The following SI variants were observed in gnomAD, a reference collection of about 807,000 sequenced individuals.
SI encodes the protein sucrase-isomaltase.
Under a neutral mutation model 253.3 loss-of-function variants are expected in SI, and 235 were observed. The observed-to-expected ratio is 0.93, with a 90% CI of 0.83 to 1.03. The LOEUF is 1.03. Ranked by LOEUF, SI falls within the 50% of genes least tolerant of loss-of-function variation. The pLI, the probability that SI is intolerant of heterozygous loss-of-function variation, is 0.00. For missense variants in SI, 2,442 were observed against 2,211.1 expected, an observed-to-expected ratio of 1.10 and a Z score of -2.09; for synonymous variants, 819 against 712.0, an observed-to-expected ratio of 1.15 and a Z score of -2.39.
chr3:164,982,568 A>T (rs2108108893), intron 46 of SI, among the ~76,000 whole-genome samples, 158 bp from the exon 47 acceptor site: 1 of 152,260 alleles, frequency 6.6e-6, no homozygotes, highest in South Asian at 2.1e-4. Flanking sequence ...ACATGAATAA[A>T]ACTTCAAATT....
At chr3:164,984,511 A>G (rs565763589) in intron 45 of SI, among the ~76,000 whole-genome samples, 2 of 152,284 alleles carry the variant, frequency 1.3e-5, no homozygotes, top group East Asian at 3.9e-4. Context: ...TCTGAGTTAA[A>G]AAAAGCAAAA....
Position 164,982,238 on chromosome 3 carries a change from C to T in SI, c.5415+5G>A. On this transcript the variant is annotated splice_donor_5th_base_variant and intron_variant, in intron 47 of 47. Transcript: ENST00000264382. ...TTTTGAAAAATATTTTCTTACATTA[C>T]TTACCATGTTGGTAGTGTCTTCATT... 1 of 1,609,126 alleles carries T rather than the reference C, an allele frequency of 6.2e-7. No homozygotes were observed. The highest frequency in any genetic ancestry group is 8.5e-7 in the Non-Finnish European group (1 of 1,176,224).
rs559599846 is a variant in SI, at chr3:165,059,227, C to T, written c.1219G>A (p.Gly407Arg). The T allele has an allele frequency of 4.8e-5, 78 of 1,612,580 alleles. No individual in the cohort carries two copies. The East Asian group carries it at 1.2e-3, about 25-fold the overall frequency. ...AAATCTTGCACAAATTGAGGGAGTC[C>T]GTTAAACGCAACTTGATCATAAGTA... The part of the protein sequence containing the change: ...DFTYDQVAFN[G>R]LPQFVQDLHD... The change falls in exon 11 of 48, where the codon GGA becomes AGA. Residue 407 changes from glycine (G) to arginine (R), a missense_variant. Gly to Arg is a moderately radical substitution (Grantham distance 125, BLOSUM62 -2). Transcript: ENST00000264382.
At chr3:165,038,325 T>C (rs1424825245) in intron 20 of SI, among the ~76,000 whole-genome samples, 2 of 151,988 alleles carry the variant, frequency 1.3e-5, no homozygotes, top group Non-Finnish European at 2.9e-5. Flanking sequence ...GTTTATGCCT[T>C]TAGGAAGGAT....
At chr3:165,075,627 ATTTGATCCC>A (rs2108116998) in intron 2 of SI, among the ~76,000 whole-genome samples, 1 of 152,072 alleles carries the variant, frequency 6.6e-6, no homozygotes, top group East Asian at 1.9e-4. Flanking sequence ...TACATTAACG[ATTTGATCCC>A]TTTGCCTCTT....
chr3:165,027,498 C>A (rs945272443), intron 25 of SI, among the ~76,000 whole-genome samples: 1 of 151,098 alleles, frequency 6.6e-6, no homozygotes, highest in African/African-American at 2.4e-5. Context: ...AAGGACATAA[C>A]CAAAAAAGAA....
Position 165,013,045 on chromosome 3 carries a change from A to C in SI, c.4000-3T>G. 6.3e-7 allele frequency: 1 copy of C among 1,587,958 alleles called. No individual in the cohort carries two copies. Among genetic ancestry groups the C allele is most frequent in the South Asian group, 1.1e-5 (1 of 90,468 alleles). The stretch of plus-strand genomic sequence containing the variant: ...ATGTTGGGCAAATCTGGCCAAACCT[A>C]CAAGAGACAAGACATGGAAAAGCTG... On this transcript the variant is annotated splice_region_variant and splice_polypyrimidine_tract_variant and intron_variant, in intron 33 of 47. Transcript: ENST00000264382.
At chr3:165,070,525 C>T (rs1443625034) in intron 3 of SI, among the ~76,000 whole-genome samples, 1 of 151,048 alleles carries the variant, frequency 6.6e-6, no homozygotes, top group Non-Finnish European at 1.5e-5. Flanking sequence ...AGTTATCTAA[C>T]CTGTAGAAAT....
At chr3:165,046,709 C>T (rs922560967) in intron 16 of SI, 132 bp downstream of exon 16, 3 of 727,686 alleles carry the variant, frequency 4.1e-6, no homozygotes, top group East Asian at 2.8e-5. Flanking sequence ...TCCTCATAAA[C>T]TCCATAAAAA....
rs760370764 is a variant in SI, at chr3:165,036,482, T to TAAGA, written c.2427-9_2427-6dup. ...AGTCCTAGAGGATTCTTACGGCTGTTAAGAAAAATTAGGTGCATATATGGT... is the reference window on the plus strand; with the variant it reads ...AGTCCTAGAGGATTCTTACGGCTGTTAAGAAAGAAAAATTAGGTGCATATATGGT... On this transcript the variant is annotated splice_region_variant and splice_polypyrimidine_tract_variant and intron_variant, in intron 21 of 47. Transcript: ENST00000264382. The TAAGA allele has an allele frequency of 6.2e-7, 1 of 1,600,340 alleles. No individual in the cohort carries two copies. The highest frequency in any genetic ancestry group is 2.2e-5 in the East Asian group (1 of 44,512).
At chr3:165,055,617 T>C (rs1713659239) in intron 12 of SI, among the ~76,000 whole-genome samples, 1 of 152,022 alleles carries the variant, frequency 6.6e-6, no homozygotes, top group Admixed American at 6.6e-5. Flanking sequence ...ACATACACAA[T>C]AAATATTCTA....
intron 3 of SI, among the ~76,000 whole-genome samples, chr3:165,069,750 A>C (rs1293141437): frequency 6.6e-6 from 1 of 152,006 alleles, no homozygotes; most frequent in East Asian, 1.9e-4. Context: ...CAAAATACTG[A>C]ATTCTCAGTA....
chr3:165,045,540 A>C (rs1477743847), intron 16 of SI, among the ~76,000 whole-genome samples: 2 of 151,586 alleles, frequency 1.3e-5, no homozygotes, highest in Non-Finnish European at 2.9e-5. Context: ...TGTATTTTAA[A>C]ATTTTTCCTC....
At chr3:165,047,135 T>C in intron 15 of SI, 123 bp from the exon 16 acceptor site, 1 of 701,742 alleles carries the variant, frequency 1.4e-6, no homozygotes, top group Non-Finnish European at 2.4e-6. Context: ...CACCCAAATC[T>C]CATCTTGAAT....
intron 44 of SI, among the ~76,000 whole-genome samples, chr3:164,989,207 G>A (rs528777245): frequency 5.8e-4 from 87 of 150,912 alleles, no homozygotes; most frequent in South Asian, 1.5e-3. Context: ...TTAGCTAGGC[G>A]TCTGGCAGGC....
At chr3:165,024,022 A>G (rs1172780228) in intron 25 of SI, among the ~76,000 whole-genome samples, 1 of 151,462 alleles carries the variant, frequency 6.6e-6, no homozygotes, top group African/African-American at 2.4e-5. Context: ...ATCAAATGTC[A>G]TACATTTTTT....
At chr3:164,980,860 C>T (rs1717152103) in intron 47 of SI, among the ~76,000 whole-genome samples, 3 of 151,872 alleles carry the variant, frequency 2.0e-5, no homozygotes, top group Admixed American at 2.0e-4. Flanking sequence ...TTAATTTTCG[C>T]CATTGTAATT....
At position 165,040,849 on chromosome 3, in the gene SI, T is replaced by G. The variant is rs535158392; in HGVS notation, c.2159+91A>C. The stretch of plus-strand genomic sequence containing the variant: ...TAAAAACAAGCAGCAGAAGTTTAAT[T>G]GATATCTTGATTTACCTCCATTAAA... On this transcript the variant is annotated intron_variant, in intron 18 of 47. Coordinates refer to ENST00000264382, the MANE Select transcript of SI (RefSeq NM_001041.4). 263 of 1,006,406 alleles carry G rather than the reference T, an allele frequency of 2.6e-4. 1 individual carries two copies. In the African/African-American group the frequency reaches 3.7e-3, roughly 14 times the overall value. 62.3% of individuals were successfully genotyped at this position (1,006,406 alleles called of 1,614,324 possible).
intron 17 of SI, 89 bp from the exon 18 acceptor site, chr3:165,041,183 A>C: frequency 8.8e-7 from 1 of 1,141,962 alleles, no homozygotes; most frequent in East Asian, 2.4e-5. Context: ...TTTTAAAGCA[A>C]CTACATAAAT....
Sources: gnomAD v4.1 joint callset for allele counts (sites outside exome capture counted in the v4.1 genomes callset) on GRCh38, gnomAD v4.1.1 for gene constraint, MANE v1.5 for transcripts, NCBI Gene and HGNC (gene_info 2026-07-23, HGNC 2026-07-21) for gene names.